SYNE1: variants seen among roughly 807,000 people sequenced by gnomAD.
SYNE1 encodes nesprin-1.
In SYNE1, 616 loss-of-function variants were observed where a neutral mutation model predicts 1,111.0. The ratio of observed to expected loss-of-function variants is 0.55; its 90% CI spans 0.52 to 0.59. SYNE1 has a LOEUF of 0.59. Ranked by LOEUF, SYNE1 falls within the 20% of genes least tolerant of loss-of-function variation. The pLI is 0.00. For missense variants in SYNE1, 10,006 were observed against 10,417.0 expected (o/e 0.96, Z 1.72); for synonymous variants, 3,855 against 3,825.8 (o/e 1.01, Z -0.28).
rs59187571 is a variant in SYNE1 at position 152,186,556 on chromosome 6, C to CAA, written c.23301+2694_23301+2695dup. Among the ~76,000 whole-genome samples, 87 of 38,032 alleles carry CAA rather than the reference C, an allele frequency of 2.3e-3. 7 individuals carry two copies. Among genetic ancestry groups the CAA allele is most frequent in the Non-Finnish European group, 3.0e-3 (67 of 22,534 alleles). The allele number at this position is 38,032 out of a possible 152,430, so 25.0% of individuals were successfully genotyped here. On this transcript the variant is annotated intron_variant, in intron 128 of 145. Coordinates refer to ENST00000367255, the MANE Select transcript of SYNE1 (RefSeq NM_182961.4). ...GGGCAACAAGAGAGCAGCTCTGTGT[C>CAA]AAAAAAAAAAAAAAAAAAAAAAAAA...
chr6:152,242,797 G>A lies in SYNE1; in HGVS notation c.19693-357C>T, dbSNP rs149991638. On this transcript the variant is annotated intron_variant, in intron 106 of 145. Transcript: ENST00000367255. ...TTTCTAACGGACAATAAAGCACAAC[G>A]GAGAAACTGAAAAAAAACTGAATTC... Among the ~76,000 whole-genome samples the A allele has an allele frequency of 3.7e-3, 558 of 151,726 alleles. 2 individuals are homozygous for A. Among genetic ancestry groups the A allele is most frequent in the Middle Eastern group, 0.02 (6 of 294 alleles).
chr6:152,323,412 C>G (rs2095942715), intron 82 of SYNE1, 66 bp downstream of exon 82: 1 of 1,595,542 alleles, frequency 6.3e-7, no homozygotes, highest in Non-Finnish European at 8.5e-7. Context: ...GCACTCCAGC[C>G]TGGGCGACAG....
intron 81 of SYNE1, among the ~76,000 whole-genome samples, chr6:152,324,225 C>G (rs1255592239): frequency 2.0e-5 from 3 of 151,708 alleles, no homozygotes; most frequent in East Asian, 3.9e-4. Context: ...ATGGAGAAAC[C>G]CCGTCTCTAC....
Position 152,442,186 on chromosome 6 carries a change from C to A in SYNE1, c.3897G>T (p.Ala1299=), listed in dbSNP as rs753027544. ...CAGGCAGCCCCCCTTCTCCCTGCTGCGCCTGCGCGATCTGCTGCTGCACAT... is the reference window on the plus strand; with the variant it reads ...CAGGCAGCCCCCCTTCTCCCTGCTGAGCCTGCGCGATCTGCTGCTGCACAT... ...KRDVQQQIAQ[A]QQGEGGLPDR... Residue 1299 remains alanine, a synonymous_variant, in exon 31 of 146, where the codon GCG becomes GCT. Coordinates refer to ENST00000367255, the MANE Select transcript of SYNE1 (RefSeq NM_182961.4). 1 of 1,613,692 alleles carries A rather than the reference C, an allele frequency of 6.2e-7. No homozygotes were observed. The highest frequency in any genetic ancestry group is 8.5e-7 in the Non-Finnish European group (1 of 1,180,046).
intron 129 of SYNE1, among the ~76,000 whole-genome samples, chr6:152,177,912 C>A (rs189471612): frequency 6.6e-6 from 1 of 151,856 alleles, no homozygotes; most frequent in East Asian, 1.9e-4. Context: ...TGGCCTTTTT[C>A]TTTTTCCTTC....
At chr6:152,341,939 C>T (rs2096542301) in intron 74 of SYNE1, among the ~76,000 whole-genome samples, 1 of 151,960 alleles carries the variant, frequency 6.6e-6, no homozygotes, top group Admixed American at 6.6e-5. Context: ...ACTTATTGCA[C>T]TTGCCAAGGG....
chr6:152,218,960 A>T, intron 120 of SYNE1, 43 bp downstream of exon 120: 2 of 1,587,358 alleles, frequency 1.3e-6, no homozygotes, highest in Non-Finnish European at 1.7e-6. Context: ...CAGATATTAG[A>T]GAACAGCCAA....
chr6:152,398,564 T>C, intron 49 of SYNE1, 55 bp downstream of exon 49: 2 of 1,447,222 alleles, frequency 1.4e-6, no homozygotes, highest in Admixed American at 1.7e-5. Flanking sequence ...TAGGTCTGCC[T>C]GCAGGCACCT....
intron 35 of SYNE1, 96 bp downstream of exon 35, chr6:152,430,386 T>C (rs2098417956): frequency 8.1e-7 from 1 of 1,241,548 alleles, no homozygotes; most frequent in Admixed American, 1.7e-5. Context: ...AAATTATGTC[T>C]TTCTCTTATT....
At position 152,510,357 on chromosome 6, in the gene SYNE1, G is replaced by A; in HGVS notation, c.417C>T (p.Thr139=). The change falls in exon 8 of 146, where the codon ACC becomes ACT. Residue 139 remains threonine (T), a synonymous_variant. Coordinates refer to ENST00000367255, the MANE Select transcript of SYNE1 (RefSeq NM_182961.4). ...AAGACTGGAGCTGGGGCAGGTTGCT[G>A]GTCAACTCTTCAATCTGTTTGTGAG... ...IILYFQIEEL[T]SNLPQLQSLS... is the part of the protein sequence containing the mutation. The A allele has an allele frequency of 3.1e-6, 5 of 1,613,490 alleles. No individual in the cohort carries two copies. Among genetic ancestry groups the A allele is most frequent in the Non-Finnish European group, 3.4e-6 (4 of 1,179,858 alleles).
At chr6:152,442,005 T>C in intron 31 of SYNE1, 70 bp downstream of exon 31, 4 of 1,583,880 alleles carry the variant, frequency 2.5e-6, no homozygotes, top group Non-Finnish European at 3.5e-6. Flanking sequence ...CGCCTTGGTG[T>C]TATGAGGCAC....
chr6:152,328,261 A>G (rs1339946266), intron 78 of SYNE1, among the ~76,000 whole-genome samples: 1 of 152,162 alleles, frequency 6.6e-6, no homozygotes, highest in Non-Finnish European at 1.5e-5. Flanking sequence ...GCTATCCTTT[A>G]CCTAAAGGGT....
chr6:152,256,282 C>A (rs138777806), intron 102 of SYNE1, among the ~76,000 whole-genome samples: 2,343 of 150,406 alleles, frequency 0.016, 44 homozygotes, highest in African/African-American at 0.055. Context: ...AAAAAAAAAT[C>A]AGCCAGGTGT....
At chr6:152,270,465 A>C (rs1333428772) in intron 98 of SYNE1, among the ~76,000 whole-genome samples, 1 of 152,204 alleles carries the variant, frequency 6.6e-6, no homozygotes, top group Non-Finnish European at 1.5e-5. Flanking sequence ...TAAAGGAGAA[A>C]GACCAAAGTA....
intron 23 of SYNE1, 34 bp from the exon 24 acceptor site, chr6:152,455,624 C>T: frequency 3.1e-6 from 5 of 1,612,236 alleles, no homozygotes; most frequent in Non-Finnish European, 4.2e-6. Context: ...TGTGATGCTG[C>T]TTTCTCATTA....
chr6:152,473,045 G>A (rs770091276), intron 14 of SYNE1, among the ~76,000 whole-genome samples: 8 of 152,174 alleles, frequency 5.3e-5, no homozygotes, highest in Non-Finnish European at 1.2e-4. Context: ...CCACAGGTTT[G>A]ATTCATTTAT....
intron 124 of SYNE1, among the ~76,000 whole-genome samples, chr6:152,211,128 A>C (rs1405969317): frequency 6.6e-6 from 1 of 152,176 alleles, no homozygotes; most frequent in Non-Finnish European, 1.5e-5. Context: ...TGCTCCTTTT[A>C]CAAAAAAATT....
intron 2 of SYNE1, among the ~76,000 whole-genome samples, chr6:152,634,162 A>C (rs949002065): frequency 2.0e-5 from 3 of 152,254 alleles, no homozygotes; most frequent in African/African-American, 7.2e-5. Flanking sequence ...ATATATAAGC[A>C]ATGCAACTGA....
At chr6:152,413,659 A>G (rs1363236758) in intron 41 of SYNE1, 128 bp from the exon 42 acceptor site, 1 of 929,252 alleles carries the variant, frequency 1.1e-6, no homozygotes, top group Non-Finnish European at 1.6e-6. Flanking sequence ...TAACACAGAA[A>G]TTAAATTAAT....
Sources: gnomAD v4.1 joint callset for allele counts (sites outside exome capture counted in the v4.1 genomes callset) on GRCh38, gnomAD v4.1.1 for gene constraint, MANE v1.5 for transcripts, NCBI Gene and HGNC (gene_info 2026-07-23, HGNC 2026-07-21) for gene names.